Variants in DPYD observed in about 807,000 individuals in gnomAD.
DPYD encodes dihydropyrimidine dehydrogenase [NADP(+)].
Under a neutral mutation model 116.2 loss-of-function variants are expected in DPYD, and 109 were observed. That is an observed-to-expected ratio of 0.94 (90% CI 0.80 to 1.10). The LOEUF is 1.10. DPYD is among the 50% of genes least tolerant of loss of function. The probability of loss-of-function intolerance (pLI) is 0.00; values close to 1 mark genes in which losing one functional copy is unlikely to be tolerated. For synonymous variants in DPYD, 440 were observed against 432.0 expected, an observed-to-expected ratio of 1.02 and a Z score of -0.23; for missense variants, 1,302 against 1,254.5, an observed-to-expected ratio of 1.04 and a Z score of -0.57.
intron 16 of DPYD, among the ~76,000 whole-genome samples, chr1:97,354,479 C>A (rs2101357629): frequency 6.6e-6 from 1 of 152,122 alleles, no homozygotes; most frequent in African/African-American, 2.4e-5. Context: ...AAAAGATGGT[C>A]CAGATCACAG....
At chr1:97,432,952 T>C (rs553902328) in intron 14 of DPYD, among the ~76,000 whole-genome samples, 1 of 152,240 alleles carries the variant, frequency 6.6e-6, no homozygotes, top group East Asian at 1.9e-4. Flanking sequence ...TAACCAACTT[T>C]CTGAACCAAG....
chr1:97,417,574 C>T (rs770761818), intron 14 of DPYD, among the ~76,000 whole-genome samples: 4 of 152,154 alleles, frequency 2.6e-5, no homozygotes, highest in Non-Finnish European at 5.9e-5. Context: ...AACAAAGCTA[C>T]ACATAGTAAG....
chr1:97,761,248 A>G (rs1169945161), intron 3 of DPYD, among the ~76,000 whole-genome samples: 2 of 152,166 alleles, frequency 1.3e-5, no homozygotes, highest in Non-Finnish European at 2.9e-5. Context: ...GATACAAGGA[A>G]AAACTAATAC....
Position 97,228,493 on chromosome 1 carries a change from T to C in DPYD, c.2442+6359A>G, listed in dbSNP as rs569273926. 9.1e-3 allele frequency among the ~76,000 whole-genome samples: 1,379 copies of C among 152,266 alleles called. 17 individuals carry two copies. Among genetic ancestry groups the C allele is most frequent in the African/African-American group, 0.032 (1,328 of 41,556 alleles). ...GATTTTGAAATTACTAATTTGAGTGTAAATCTTAATTTTAGTAGGGCACTC... is the reference window on the plus strand; with the variant it reads ...GATTTTGAAATTACTAATTTGAGTGCAAATCTTAATTTTAGTAGGGCACTC... On this transcript the variant is annotated intron_variant, in intron 19 of 22. Coordinates refer to ENST00000370192, the MANE Select transcript of DPYD (RefSeq NM_000110.4).
intron 16 of DPYD, 110 bp from the exon 17 acceptor site, chr1:97,306,407 A>G (rs1183562047): frequency 1.5e-6 from 2 of 1,358,002 alleles, no homozygotes; most frequent in Non-Finnish European, 2.1e-6. Flanking sequence ...CAACTTGACA[A>G]TGAGCTACAT....
At chr1:97,712,624 G>A (rs909681886) in intron 5 of DPYD, among the ~76,000 whole-genome samples, 1 of 151,130 alleles carries the variant, frequency 6.6e-6, no homozygotes, top group African/African-American at 2.4e-5. Flanking sequence ...ATTCTCTTTC[G>A]GGGCACTCCC....
chr1:97,330,503 T>C (rs1668931060), intron 16 of DPYD, among the ~76,000 whole-genome samples: 1 of 152,188 alleles, frequency 6.6e-6, no homozygotes, highest in African/African-American at 2.4e-5. Flanking sequence ...TGCTACTCTA[T>C]CTGCCAGAGC....
At chr1:97,566,531 AT>A (rs1389361980) in intron 11 of DPYD, among the ~76,000 whole-genome samples, 1 of 152,060 alleles carries the variant, frequency 6.6e-6, no homozygotes, top group Non-Finnish European at 1.5e-5. Flanking sequence ...CCTTCCTCTA[AT>A]GTTTTGCCAT....
chr1:97,783,820 C>A (rs184824316), intron 3 of DPYD, among the ~76,000 whole-genome samples: 42 of 152,318 alleles, frequency 2.8e-4, no homozygotes, highest in Non-Finnish European at 5.6e-4. Flanking sequence ...TTCTTATGGT[C>A]AGTAATTTAT....
rs748214188 is a variant in DPYD, at chr1:97,193,181, A to T, written c.2510T>A (p.Leu837Gln). Reference protein sequence around the residue: ...IEDYCTGLKALLYLKSIEELQ... With the variant: ...IEDYCTGLKAQLYLKSIEELQ... ...TTCTTCAATGCTTTTCAGATAAAGC[A>T]GGGCTTTGAGGCCAGTGCAGTAGTC... Residue 837 changes from leucine to glutamine, a missense_variant, in exon 20 of 23, where the codon CTG (leucine) becomes CAG (glutamine). By Grantham distance (113) the Leu-to-Gln change is moderately radical. Coordinates refer to ENST00000370192, the MANE Select transcript of DPYD (RefSeq NM_000110.4). 1.2e-6 allele frequency: 2 copies of T among 1,614,032 alleles called. No individual in the cohort carries two copies. Among genetic ancestry groups the T allele is most frequent in the South Asian group, 1.1e-5 (1 of 91,082 alleles).
chr1:97,721,053 A>G, intron 5 of DPYD: 1 of 1,330,392 alleles, frequency 7.5e-7, no homozygotes, highest in Non-Finnish European at 1.0e-6. Context: ...TGGTTAAATA[A>G]CATTACTTAG....
intron 19 of DPYD, among the ~76,000 whole-genome samples, chr1:97,229,203 CAAAAAAAA>C (rs34445661): frequency 1.2e-4 from 7 of 58,582 alleles, no homozygotes; most frequent in African/African-American, 5.9e-4. Flanking sequence ...GACTCCTTCT[CAAAAAAAA>C]AAAAAAAAGA....
intron 3 of DPYD, among the ~76,000 whole-genome samples, chr1:97,774,009 A>T (rs1478931569): frequency 1.3e-5 from 2 of 152,154 alleles, no homozygotes; most frequent in African/African-American, 2.4e-5. Flanking sequence ...AGCACACTGT[A>T]ACACACGTTC....
intron 20 of DPYD, among the ~76,000 whole-genome samples, chr1:97,162,347 G>C (rs567660428): frequency 1.3e-5 from 2 of 152,212 alleles, no homozygotes; most frequent in East Asian, 3.9e-4. Context: ...CAGACAAACA[G>C]AGAGCCAAAT....
intron 20 of DPYD, among the ~76,000 whole-genome samples, chr1:97,122,411 A>G (rs1193668273): frequency 6.6e-6 from 1 of 152,178 alleles, no homozygotes; most frequent in Admixed American, 6.5e-5. Context: ...GTACTAGGCT[A>G]TAAAGCTTAA....
intron 2 of DPYD, among the ~76,000 whole-genome samples, chr1:97,874,664 AG>A (rs1402584891): frequency 2.6e-5 from 4 of 151,928 alleles, no homozygotes; most frequent in Non-Finnish European, 5.9e-5. Flanking sequence ...TGCAGTTACT[AG>A]GACTATTGTT....
chr1:97,161,715 TC>T (rs534555081), intron 20 of DPYD, among the ~76,000 whole-genome samples: 9 of 88,712 alleles, frequency 1.0e-4, no homozygotes, highest in South Asian at 5.3e-4. Context: ...ATGCTATCCC[TC>T]CCCCCTCCCC....
intron 5 of DPYD, among the ~76,000 whole-genome samples, chr1:97,707,535 T>A (rs999955672): frequency 2.0e-5 from 3 of 147,618 alleles, no homozygotes; most frequent in Non-Finnish European, 3.0e-5. Context: ...TGAGTGAGAA[T>A]ATGCGGTGTT....
At chr1:97,721,807 A>G in intron 4 of DPYD, 136 bp from the exon 5 acceptor site, 1 of 794,840 alleles carries the variant, frequency 1.3e-6, no homozygotes, top group Non-Finnish European at 2.0e-6. Context: ...AGGTTTCAAT[A>G]CTACTATCAG....
Sources: allele counts gnomAD v4.1 joint callset (sites outside exome capture counted in the v4.1 genomes callset), GRCh38; gene constraint gnomAD v4.1.1; transcripts MANE v1.5; gene names NCBI Gene and HGNC (gene_info 2026-07-23, HGNC 2026-07-21).